Variants in ADD2 observed in about 807,000 individuals in gnomAD.
ADD2 encodes beta-adducin.
ADD2 carries 23 observed loss-of-function variants against 83.0 expected under a neutral mutation model. The observed-to-expected ratio is 0.28, with a 90% CI of 0.20 to 0.39. ADD2 has a LOEUF of 0.39. Ranked by LOEUF, ADD2 falls within the 10% of genes least tolerant of loss-of-function variation. The probability of loss-of-function intolerance (pLI) is 1.00; values close to 1 mark genes in which losing one functional copy is unlikely to be tolerated. For missense variants in ADD2, 758 were observed against 944.9 expected, an observed-to-expected ratio of 0.80 and a Z score of 2.59; for synonymous variants, 375 against 375.4, an observed-to-expected ratio of 1.00 and a Z score of 0.01.
rs151201999 is a variant in ADD2 at position 70,763,364 on chromosome 2, T to TG, written c.-154+4521dup. Among the ~76,000 whole-genome samples the TG allele has an allele frequency of 3.1e-3, 466 of 152,110 alleles. 18 individuals carry two copies. The highest frequency in any genetic ancestry group is 0.011 in the African/African-American group (448 of 41,356). ...GGCTAAAATTGTAGCAGCCAATGTA[T>TG]GTGGAGTCAAATATTGTGGCTGCAA... On this transcript the variant is annotated intron_variant, in intron 1 of 15. Coordinates refer to ENST00000264436, the MANE Select transcript of ADD2 (RefSeq NM_001617.4).
intron 1 of ADD2, among the ~76,000 whole-genome samples, chr2:70,750,420 G>A (rs1049470957): frequency 2.0e-5 from 3 of 152,216 alleles, no homozygotes; most frequent in Non-Finnish European, 4.4e-5. Flanking sequence ...GCAATCAAGT[G>A]AAGATGAAGT....
At chr2:70,734,937 G>A (rs1673453869) in intron 1 of ADD2, among the ~76,000 whole-genome samples, 1 of 152,128 alleles carries the variant, frequency 6.6e-6, no homozygotes, top group Non-Finnish European at 1.5e-5. Flanking sequence ...GTGTGTACTA[G>A]GGGCTAGTGA....
At chr2:70,702,346 T>A (rs544413441) in intron 4 of ADD2, among the ~76,000 whole-genome samples, 1 of 152,096 alleles carries the variant, frequency 6.6e-6, no homozygotes, top group South Asian at 2.1e-4. Flanking sequence ...TTTATATTTT[T>A]AGTAGAGACA....
At chr2:70,710,654 G>A (rs868958466) in intron 2 of ADD2, among the ~76,000 whole-genome samples, 30 of 152,198 alleles carry the variant, frequency 2.0e-4, no homozygotes, top group Admixed American at 5.2e-4. Context: ...GCGATTAAAA[G>A]CACAGACTCT....
Position 70,760,410 on chromosome 2 carries a change from AAT to A in ADD2, c.-154+7474_-154+7475del, listed in dbSNP as rs1553384647. On this transcript the variant is annotated intron_variant, in intron 1 of 15. Coordinates refer to ENST00000264436, the MANE Select transcript of ADD2 (RefSeq NM_001617.4). ...GAGCACCAAGCAAAGTAGGGCTCCA[AAT>A]ATTCTTGGAATAAATTTGATATATA... 2.0e-5 allele frequency among the ~76,000 whole-genome samples: 3 copies of A among 152,184 alleles called. No homozygotes were observed. The South Asian group carries it at 6.2e-4, about 32-fold the overall frequency.
At chr2:70,752,351 T>G (rs1242304360) in intron 1 of ADD2, among the ~76,000 whole-genome samples, 2 of 152,232 alleles carry the variant, frequency 1.3e-5, no homozygotes, top group Non-Finnish European at 2.9e-5. Flanking sequence ...GCCTTTTATG[T>G]GTCCACTTTT....
rs554944629 is a variant in ADD2 at position 70,696,381 on chromosome 2, G to A, written c.338C>T (p.Thr113Met). 1.5e-5 allele frequency: 24 copies of A among 1,614,166 alleles called. No individual in the cohort carries two copies. Among genetic ancestry groups the A allele is most frequent in the South Asian group, 1.1e-4 (10 of 91,058 alleles). ...AGCTGTGTGGAGGTCATTGATAGGCGTCATCATGGAGACATCTGCAGGGAC... is the reference window on the plus strand; with the variant it reads ...AGCTGTGTGGAGGTCATTGATAGGCATCATCATGGAGACATCTGCAGGGAC... ...PTSSMNVSMM[T>M]PINDLHTADS... is the part of the protein sequence containing the mutation. The change falls in exon 5 of 16, where the codon ACG becomes ATG. Residue 113 changes from threonine to methionine, a missense_variant. By Grantham distance (81) the Thr-to-Met change is moderately conservative (BLOSUM62 -1). Coordinates refer to ENST00000264436, the MANE Select transcript of ADD2 (RefSeq NM_001617.4).
At chr2:70,677,720 T>C in intron 12 of ADD2, 38 bp downstream of exon 12, 7 of 1,605,086 alleles carry the variant, frequency 4.4e-6, no homozygotes, top group Non-Finnish European at 6.0e-6. Flanking sequence ...CCCCCCAGTG[T>C]GGGAGAAGAA....
chr2:70,737,914 A>G lies in ADD2; in HGVS notation c.-153-24730T>C, dbSNP rs185600300. 4.9e-4 allele frequency among the ~76,000 whole-genome samples: 75 copies of G among 151,972 alleles called. 1 individual carries two copies. Among genetic ancestry groups the G allele is most frequent in the Admixed American group, 7.9e-4 (12 of 15,252 alleles). ...CAGCCTGCCCCTGATCTTCACTACCACTCTTTAGAGTGGAAATTACTATCC... is the reference window on the plus strand; with the variant it reads ...CAGCCTGCCCCTGATCTTCACTACCGCTCTTTAGAGTGGAAATTACTATCC... On this transcript the variant is annotated intron_variant, in intron 1 of 15. Transcript: ENST00000264436.
rs13001541 is a variant in ADD2, at chr2:70,660,034, T to G, written c.*3391A>C. 1 of 152,112 alleles carries G rather than the reference T, an allele frequency of 6.6e-6. No individual in the cohort carries two copies. Among genetic ancestry groups the G allele is most frequent in the Non-Finnish European group, 1.5e-5 (1 of 68,012 alleles). 9.4% of individuals were successfully genotyped at this position (152,112 alleles called of 1,614,324 possible). ...AATACACATTTTCTCCAGTCAGATA[T>G]TGGTCAAAGTTTTCAGCCAACTTTT... On this transcript the variant is annotated 3_prime_UTR_variant, in exon 16 of 16. Transcript: ENST00000264436.
intron 1 of ADD2, among the ~76,000 whole-genome samples, chr2:70,730,617 T>C (rs1421247835): frequency 6.6e-6 from 1 of 152,256 alleles, no homozygotes; most frequent in Non-Finnish European, 1.5e-5. Flanking sequence ...TTCAATCATT[T>C]GAAGATTGAT....
chr2:70,739,987 G>T (rs782396256), intron 1 of ADD2, among the ~76,000 whole-genome samples: 3 of 152,050 alleles, frequency 2.0e-5, no homozygotes, highest in Non-Finnish European at 4.4e-5. Context: ...GTTTACCTAC[G>T]TCACAAACCT....
chr2:70,689,035 CT>C (rs1224631587), intron 8 of ADD2, among the ~76,000 whole-genome samples: 51 of 152,066 alleles, frequency 3.4e-4, no homozygotes, highest in African/African-American at 1.1e-3. Flanking sequence ...AACCTGGGGG[CT>C]GCAGTGAGCT....
intron 1 of ADD2, among the ~76,000 whole-genome samples, chr2:70,732,329 CTGA>C (rs1673326240): frequency 2.0e-5 from 3 of 152,196 alleles, no homozygotes; most frequent in African/African-American, 7.2e-5. Context: ...ATGCACCTTG[CTGA>C]ATGCTGAGCT....
At chr2:70,679,903 T>C (rs1461376613) in intron 10 of ADD2, among the ~76,000 whole-genome samples, 1 of 152,214 alleles carries the variant, frequency 6.6e-6, no homozygotes, top group African/African-American at 2.4e-5. Context: ...ATTTTTCTAT[T>C]GATGTTTCTG....
In ADD2 at chr2:70,742,585, C is replaced by T. The variant is rs535133827; in HGVS notation, c.-154+25301G>A. Among the ~76,000 whole-genome samples, 14 of 152,262 alleles carry T rather than the reference C, an allele frequency of 9.2e-5. No individual in the cohort carries two copies. In the East Asian group the frequency reaches 2.5e-3, roughly 27 times the overall value. On this transcript the variant is annotated intron_variant, in intron 1 of 15. Transcript: ENST00000264436. ...TGGAGCTCAAGGTGAAACATCAAGT[C>T]AGGCTCAACTGGTACCTATTGATTC...
intron 1 of ADD2, among the ~76,000 whole-genome samples, chr2:70,762,975 G>A (rs1675198479): frequency 6.6e-6 from 1 of 151,758 alleles, no homozygotes; most frequent in South Asian, 2.1e-4. Context: ...CAAAGTGCTG[G>A]GATTACAGGC....
chr2:70,716,708 G>T (rs1420784698), intron 1 of ADD2, among the ~76,000 whole-genome samples: 1 of 152,196 alleles, frequency 6.6e-6, no homozygotes, highest in Admixed American at 6.5e-5. Flanking sequence ...GGTCCCAGCA[G>T]CAAGTGAGGA....
chr2:70,732,795 C>T (rs967513899), intron 1 of ADD2, among the ~76,000 whole-genome samples: 1 of 152,182 alleles, frequency 6.6e-6, no homozygotes, highest in African/African-American at 2.4e-5. Context: ...AACAAAGGAA[C>T]TGTTTGGAGG....
Sources: allele counts gnomAD v4.1 joint callset (sites outside exome capture counted in the v4.1 genomes callset), GRCh38; gene constraint gnomAD v4.1.1; transcripts MANE v1.5; gene names NCBI Gene and HGNC (gene_info 2026-07-23, HGNC 2026-07-21).